Variants in SCRIB observed in about 807,000 individuals in gnomAD.
SCRIB encodes protein scribble homolog.
A neutral mutation model predicts 170.0 loss-of-function variants in SCRIB; 72 were observed. That is an observed-to-expected ratio of 0.42 (90% CI 0.35 to 0.52). SCRIB has a LOEUF of 0.52. Ranked by LOEUF, SCRIB falls within the 20% of genes least tolerant of loss-of-function variation. The pLI, the probability that SCRIB is intolerant of heterozygous loss-of-function variation, is 0.02. For missense variants in SCRIB, 2,475 were observed against 2,338.5 expected (o/e 1.06, Z -1.20); for synonymous variants, 1,298 against 1,044.3 (o/e 1.24, Z -4.68).
chr8:143,812,717 T>G, intron 8 of SCRIB, 100 bp downstream of exon 8: 11 of 1,450,790 alleles, frequency 7.6e-6, no homozygotes, highest in Non-Finnish European at 1.0e-5. Flanking sequence ...ACACTCAGGA[T>G]CCTCCCCTGT....
intron 18 of SCRIB, 115 bp from the exon 19 acceptor site, chr8:143,805,550 G>T: frequency 1.8e-6 from 2 of 1,095,076 alleles, no homozygotes; most frequent in Non-Finnish European, 2.5e-6. Flanking sequence ...AGGGCGAGGG[G>T]AAAGGCCCCA....
chr8:143,809,085 C>T lies in SCRIB; in HGVS notation c.1699-60G>A, dbSNP rs1248361482. 3.2e-6 allele frequency: 5 copies of T among 1,541,690 alleles called. No individual in the cohort carries two copies. The Admixed American group carries it at 5.6e-5, about 17-fold the overall frequency. ...CTGTGGCTGTGCTTCCACAGGAAGA[C>T]CCTACTAAACAGTGTGGCCACAGAC... On this transcript the variant is annotated intron_variant, in intron 14 of 36. Transcript: ENST00000356994.
intron 24 of SCRIB, among the ~76,000 whole-genome samples, chr8:143,799,899 G>A (rs1815103660): frequency 6.6e-6 from 1 of 152,028 alleles, no homozygotes; most frequent in African/African-American, 2.4e-5. Context: ...ATGCCAAGAT[G>A]GGCTCGCACA....
Position 143,805,236 on chromosome 8 carries a change from A to G in SCRIB, c.2546T>C (p.Leu849Pro). ...GAGGGGCCCGGGGCTCTCAGGCGGG[A>G]GCAGGGGCAGGCGCAGCCCCCCTCC... ...RRGGGLRLPL[L>P]PPESPGPLRQ... The change falls in exon 19 of 37, where the codon CTC becomes CCC. Residue 849 changes from leucine (L) to proline (P), a missense_variant. Physicochemically the swap from Leu to Pro is moderately conservative, Grantham distance 98 (BLOSUM62 -3). Transcript: ENST00000356994. The G allele has an allele frequency of 6.5e-7, 1 of 1,540,420 alleles. No homozygotes were observed. The highest frequency in any genetic ancestry group is 8.7e-7 in the Non-Finnish European group (1 of 1,148,104).
intron 19 of SCRIB, 27 bp downstream of exon 19, chr8:143,805,085 C>A: frequency 6.3e-7 from 1 of 1,592,720 alleles, no homozygotes; most frequent in Non-Finnish European, 8.5e-7. Flanking sequence ...TAGAGCAGCC[C>A]TCCCCGGCCC....
Position 143,803,875 on chromosome 8 carries a change from G to A in SCRIB, c.3186C>T (p.Asn1062=), listed in dbSNP as rs782669206. Reference sequence around the variant, plus strand: ...GCGTGGCATCCCGCACGTCTTGCCCGTTCACTGCCAGGATGCGGTCCCCAA... The same window carrying A: ...GCGTGGCATCCCGCACGTCTTGCCCATTCACTGCCAGGATGCGGTCCCCAA... ...LRVGDRILAV[N]GQDVRDATHQ... The change falls in exon 23 of 37, where the codon AAC becomes AAT. Residue 1062 remains asparagine, a synonymous_variant. Coordinates refer to ENST00000356994, the MANE Select transcript of SCRIB (RefSeq NM_182706.5). The A allele has an allele frequency of 8.8e-6, 14 of 1,598,376 alleles. No individual in the cohort carries two copies. The highest frequency in any genetic ancestry group is 6.8e-5 in the East Asian group (3 of 44,248).
At chr8:143,814,490 G>C (rs962540952) in intron 1 of SCRIB, among the ~76,000 whole-genome samples, 23 of 152,040 alleles carry the variant, frequency 1.5e-4, no homozygotes, top group Non-Finnish European at 3.1e-4. Context: ...CTGACAACAA[G>C]CCTGGCCTGG....
At position 143,795,516 on chromosome 8, in the gene SCRIB, G is replaced by A; in HGVS notation, c.3618C>T (p.Val1206=). 6.2e-7 allele frequency: 1 copy of A among 1,611,188 alleles called. No individual in the cohort carries two copies. The highest frequency in any genetic ancestry group is 8.5e-7 in the Non-Finnish European group (1 of 1,178,750). Residue 1206 remains valine, a synonymous_variant, in exon 25 of 37, where the codon GTC becomes GTT. Coordinates refer to ENST00000356994, the MANE Select transcript of SCRIB (RefSeq NM_182706.5). ...TDAALEVSPG[V]IANPFAAGIG... ...TGCCTGCCGCAAAGGGGTTGGCAAT[G>A]ACACCTGGGGACACCTGAGAAGAGG...
chr8:143,804,860 G>A (rs1260365852), intron 20 of SCRIB, 35 bp from the exon 21 acceptor site: 14 of 1,481,684 alleles, frequency 9.4e-6, no homozygotes, highest in East Asian at 2.8e-5. Flanking sequence ...GAGGCCCAAG[G>A]GCAGAAGGGG....
intron 28 of SCRIB, chr8:143,793,644 G>A (rs2129996106): frequency 2.1e-6 from 1 of 472,918 alleles, no homozygotes; most frequent in South Asian, 4.0e-5. Flanking sequence ...CACTGACTGG[G>A]GTCTCAGGAG....
At position 143,804,028 on chromosome 8, in the gene SCRIB, C is replaced by T; in HGVS notation, c.3120+18G>A. 1 of 1,595,814 alleles carries T rather than the reference C, an allele frequency of 6.3e-7. No individual in the cohort carries two copies. Among genetic ancestry groups the T allele is most frequent in the East Asian group, 2.3e-5 (1 of 44,440 alleles). On this transcript the variant is annotated intron_variant, in intron 22 of 36. Transcript: ENST00000356994. ...ATGGGTGCACCTCTCACAGAACCGC[C>T]TGGATGGGCCGCCCTACCTTGGAGA...
Position 143,813,311 on chromosome 8 carries a change from C to A in SCRIB, c.567G>T (p.Leu189=). 1 of 1,613,522 alleles carries A rather than the reference C, an allele frequency of 6.2e-7. No homozygotes were observed. Among genetic ancestry groups the A allele is most frequent in the Non-Finnish European group, 8.5e-7 (1 of 1,180,012 alleles). ...LDLGGNDLEV[L]PDTLGALPNL... is the part of the protein sequence containing the mutation. ...TCTGCCCTGTCAGGCCTCCACGCAC[C>A]AGCACTTCCAGATCGTTGCCTCCCA... Residue 189 remains leucine, a splice_region_variant and synonymous_variant, in exon 6 of 37, where the codon CTG becomes CTT. Coordinates refer to ENST00000356994, the MANE Select transcript of SCRIB (RefSeq NM_182706.5).
At position 143,812,289 on chromosome 8, in the gene SCRIB, T is replaced by G. The variant is rs1346344662; in HGVS notation, c.883A>C (p.Ile295Leu). Reference sequence around the variant, plus strand: ...ACCATCAGCAGGTTCTCCGTGAGGATCAGCTCAGAGAGGTTCTCACAGTCC... The same window carrying G: ...ACCATCAGCAGGTTCTCCGTGAGGAGCAGCTCAGAGAGGTTCTCACAGTCC... Reference protein sequence around the residue: ...IGDCENLSELILTENLLMALP... With the variant: ...IGDCENLSELLLTENLLMALP... Residue 295 changes from isoleucine to leucine, a missense_variant, in exon 9 of 37, where the codon ATC (isoleucine) becomes CTC (leucine). Transcript: ENST00000356994. The G allele has an allele frequency of 6.2e-7, 1 of 1,611,614 alleles. No homozygotes were observed. Among genetic ancestry groups the G allele is most frequent in the East Asian group, 2.2e-5 (1 of 44,856 alleles).
At chr8:143,796,704 G>C (rs1296298602) in intron 24 of SCRIB, among the ~76,000 whole-genome samples, 1 of 152,216 alleles carries the variant, frequency 6.6e-6, no homozygotes, top group African/African-American at 2.4e-5. Context: ...GTCTCTTTCA[G>C]ACTCACAGGA....
In SCRIB at chr8:143,812,400, C is replaced by T; in HGVS notation, c.788-16G>A. ...TTCAGCTGACCTGGCGTCGGGGAGA[C>T]AGGGGGACAAGGCTGAGCATGGTCC... On this transcript the variant is annotated splice_polypyrimidine_tract_variant and intron_variant, in intron 8 of 36. Transcript: ENST00000356994. 3 of 1,576,378 alleles carry T rather than the reference C, an allele frequency of 1.9e-6. No homozygotes were observed. The highest frequency in any genetic ancestry group is 2.2e-5 in the South Asian group (2 of 90,290).
intron 16 of SCRIB, among the ~76,000 whole-genome samples, 165 bp from the exon 17 acceptor site, chr8:143,807,178 G>C (rs933630585): frequency 6.6e-6 from 1 of 152,250 alleles, no homozygotes; most frequent in Non-Finnish European, 1.5e-5. Context: ...ACGCCAGCTG[G>C]AGAAGCCCCA....
At position 143,792,347 on chromosome 8, in the gene SCRIB, C is replaced by G; in HGVS notation, c.4387G>C (p.Ala1463Pro). Residue 1463 changes from alanine (A) to proline (P), a missense_variant, in exon 32 of 37, where the codon GCT (alanine) becomes CCT (proline). Physicochemically the swap from Ala to Pro is conservative, Grantham distance 27 (BLOSUM62 -1). This residue lies in a region of SCRIB where 1,966 missense variants were observed against 1,742.9 expected (regional missense o/e 1.13). Coordinates refer to ENST00000356994, the MANE Select transcript of SCRIB (RefSeq NM_182706.5). The stretch of plus-strand genomic sequence containing the variant: ...AGCCGCTCCTGGTGGCGCCGTTCAG[C>G]TTTGGCCGTCCGCACCGGGGCGCCA... ...GGGAPVRTAK[A>P]ERRHQERLRV... The G allele has an allele frequency of 6.5e-7, 1 of 1,538,912 alleles. No individual in the cohort carries two copies. Among genetic ancestry groups the G allele is most frequent in the Non-Finnish European group, 8.7e-7 (1 of 1,148,572 alleles).
chr8:143,792,059 C>G lies in SCRIB; in HGVS notation c.4589G>C (p.Arg1530Pro). Residue 1530 changes from arginine (R) to proline (P), a missense_variant, in exon 33 of 37, where the codon CGG becomes CCG. By Grantham distance (103) the Arg-to-Pro change is moderately radical. Coordinates refer to ENST00000356994, the MANE Select transcript of SCRIB (RefSeq NM_182706.5). ...CTCGGCCAGTCGCTCCAGGGGCCCC[C>G]GCGTGCCCCGGCCTTCCTGGGACCT... ...LSRSQEGRGTRGPLERLAEAP... is the reference protein window; with the variant it reads ...LSRSQEGRGTPGPLERLAEAP... The G allele has an allele frequency of 3.1e-6, 5 of 1,589,112 alleles. No individual in the cohort carries two copies. Among genetic ancestry groups the G allele is most frequent in the Non-Finnish European group, 3.4e-6 (4 of 1,172,920 alleles).
chr8:143,808,491 C>T (rs1815536686), intron 15 of SCRIB, 118 bp downstream of exon 15: 1 of 1,283,666 alleles, frequency 7.8e-7, no homozygotes, highest in African/African-American at 1.5e-5. Flanking sequence ...GTGTCCACCA[C>T]CTTCTCCGGG....
Sources: allele counts gnomAD v4.1 joint callset (sites outside exome capture counted in the v4.1 genomes callset), GRCh38; gene constraint gnomAD v4.1.1; regional missense constraint gnomAD v4.1.1; transcripts MANE v1.5; gene names NCBI Gene and HGNC (gene_info 2026-07-23, HGNC 2026-07-21).